GAD1: variants seen among roughly 807,000 people sequenced by gnomAD.
The protein encoded by GAD1 is glutamate decarboxylase 1, also known as 67 kDa glutamic acid decarboxylase.
A neutral mutation model predicts 75.2 loss-of-function variants in GAD1; 35 were observed. The ratio of observed to expected loss-of-function variants is 0.47; its 90% CI spans 0.36 to 0.62. GAD1 has a LOEUF of 0.62. Ranked by LOEUF, GAD1 falls within the 20% of genes least tolerant of loss-of-function variation. The pLI is 0.00. For missense variants in GAD1, 490 were observed against 758.5 expected, an observed-to-expected ratio of 0.65 and a Z score of 4.16; for synonymous variants, 257 against 271.9, an observed-to-expected ratio of 0.95 and a Z score of 0.54.
intron 3 of GAD1, among the ~76,000 whole-genome samples, chr2:170,828,276 T>TTCCCTCTGCCATCCTCACCCCCC (rs879567602): frequency 1.2e-5 from 1 of 81,142 alleles, no homozygotes; most frequent in African/African-American, 4.9e-5. Context: ...ACCCCTCCCC[T>TTCCCTCTGCCATCCTCACCCCCC]TCCCTCTGCT....
chr2:170,824,823 A>G (rs1315754887), intron 3 of GAD1, among the ~76,000 whole-genome samples: 19 of 152,052 alleles, frequency 1.2e-4, no homozygotes, highest in Admixed American at 1.2e-3. Context: ...GGGATCCCTA[A>G]GTTCTGGCTC....
At chr2:170,849,102 G>A in intron 11 of GAD1, 184 bp from the exon 12 acceptor site, 1 of 674,096 alleles carries the variant, frequency 1.5e-6, no homozygotes, top group South Asian at 1.6e-5. Flanking sequence ...CTTTGAAAAA[G>A]AAATGACAAG....
chr2:170,821,083 T>C (rs1363391713), intron 2 of GAD1, among the ~76,000 whole-genome samples: 1 of 152,184 alleles, frequency 6.6e-6, no homozygotes, highest in African/African-American at 2.4e-5. Context: ...TGGATGTCAC[T>C]CTCCTTATCG....
chr2:170,831,974 G>T (rs1702244165), intron 5 of GAD1, among the ~76,000 whole-genome samples: 1 of 151,792 alleles, frequency 6.6e-6, no homozygotes, highest in African/African-American at 2.4e-5. Context: ...TCAAAAAAAA[G>T]AATTTTCATT....
chr2:170,847,252 G>T (rs1702652278), intron 10 of GAD1, among the ~76,000 whole-genome samples: 1 of 152,160 alleles, frequency 6.6e-6, no homozygotes, highest in Admixed American at 6.5e-5. Flanking sequence ...GTGATATTCA[G>T]AACTATCTGA....
At chr2:170,850,140 A>C (rs1702718087) in intron 12 of GAD1, among the ~76,000 whole-genome samples, 1 of 152,242 alleles carries the variant, frequency 6.6e-6, no homozygotes, top group African/African-American at 2.4e-5. Context: ...TTTTCTAATA[A>C]AAATGCATAT....
At position 170,840,617 on chromosome 2, in the gene GAD1, GAGGGAGGA is replaced by G. The variant is rs1291998434; in HGVS notation, c.639-3410_639-3403del. ...TCCAGAACTCAGAAAGGAAGGGAGG[GAGGGAGGA>G]AGGGAGGAAGGGAGGAAAGGAGGGA... is the stretch of plus-strand genomic sequence containing the variant. On this transcript the variant is annotated intron_variant, in intron 6 of 16. Coordinates refer to ENST00000358196, the MANE Select transcript of GAD1 (RefSeq NM_000817.3). Among the ~76,000 whole-genome samples, 630 of 137,784 alleles carry G rather than the reference GAGGGAGGA, an allele frequency of 4.6e-3. 3 individuals carry two copies. The highest frequency in any genetic ancestry group is 7.3e-3 in the Non-Finnish European group (455 of 62,600). 90.4% of individuals were successfully genotyped at this position (137,784 alleles called of 152,430 possible). A position where few individuals can be genotyped will look rare whatever the true frequency, so the allele number is the denominator to read the frequency against.
At chr2:170,829,148 G>A (rs1702152157) in intron 3 of GAD1, 1 of 396,326 alleles carries the variant, frequency 2.5e-6, no homozygotes, top group Admixed American at 3.6e-5. Flanking sequence ...CTCCTTTAAA[G>A]CCCTATCCTG....
chr2:170,853,576 C>T lies in GAD1; in HGVS notation c.1264-297C>T, dbSNP rs552976805. ...TCTCTAACCCTGGCCCACTGAATGCCGTAGCACTTCCCAATCTTGAAACAA... is the reference window on the plus strand; with the variant it reads ...TCTCTAACCCTGGCCCACTGAATGCTGTAGCACTTCCCAATCTTGAAACAA... On this transcript the variant is annotated intron_variant, in intron 13 of 16. Coordinates refer to ENST00000358196, the MANE Select transcript of GAD1 (RefSeq NM_000817.3). The surrounding 1 kb of genome is among the most constrained non-coding windows in gnomAD (Gnocchi z 4.1). The T allele has an allele frequency of 1.9e-5, 7 of 377,920 alleles. No individual in the cohort carries two copies. The highest frequency in any genetic ancestry group is 1.2e-4 in the East Asian group (2 of 17,010). The allele number at this position is 377,920 out of a possible 1,614,324, so 23.4% of individuals were successfully genotyped here. A position where few individuals can be genotyped will look rare whatever the true frequency, so the allele number is the denominator to read the frequency against.
intron 3 of GAD1, 58 bp downstream of exon 3, chr2:170,822,207 G>T (rs1701905265): frequency 7.0e-7 from 1 of 1,435,822 alleles, no homozygotes; most frequent in Admixed American, 1.8e-5. Flanking sequence ...GACCTTTGGG[G>T]CTTGGGAGAC....
upstream of GAD1, among the ~76,000 whole-genome samples, chr2:170,815,078 C>G (rs2105742138): frequency 6.6e-6 from 1 of 152,274 alleles, no homozygotes; most frequent in South Asian, 2.1e-4. Flanking sequence ...CACCTGGCTC[C>G]CTGATTGGTG....
intron 15 of GAD1, among the ~76,000 whole-genome samples, chr2:170,858,016 C>A (rs1441002981): frequency 6.6e-6 from 1 of 151,222 alleles, no homozygotes; most frequent in Non-Finnish European, 1.5e-5. Flanking sequence ...GCAACCTAAA[C>A]TACTAGGAAC....
upstream of GAD1, among the ~76,000 whole-genome samples, chr2:170,813,913 G>GC (rs888479883): frequency 2.0e-5 from 3 of 151,998 alleles, no homozygotes; most frequent in African/African-American, 7.3e-5. Context: ...GTCGCATATC[G>GC]CCCCCTCCTT....
chr2:170,839,483 G>C (rs530796535), intron 6 of GAD1, among the ~76,000 whole-genome samples: 1 of 151,976 alleles, frequency 6.6e-6, no homozygotes, highest in South Asian at 2.1e-4. Context: ...GTGTGGTGGC[G>C]GGTGCCTGTA....
chr2:170,825,021 TTCTGGTTTCTCTTGAAAAAACTTGGGGG>T (rs932080832), intron 3 of GAD1, among the ~76,000 whole-genome samples: 20 of 152,198 alleles, frequency 1.3e-4, no homozygotes, highest in Non-Finnish European at 2.4e-4. Context: ...TGCTCTCTTT[TTCTGGTTTCTCTTGAAAAAACTTGGGGG>T]TGGGCAATGG....
intron 6 of GAD1, among the ~76,000 whole-genome samples, chr2:170,840,207 T>C (rs567771535): frequency 6.6e-6 from 1 of 152,290 alleles, no homozygotes; most frequent in Admixed American, 6.5e-5. Flanking sequence ...CCTAAGTGCC[T>C]AGCGTATACA....
At chr2:170,828,346 C>A (rs1266552011) in intron 3 of GAD1, among the ~76,000 whole-genome samples, 1 of 134,302 alleles carries the variant, frequency 7.4e-6, no homozygotes, top group African/African-American at 2.9e-5. Context: ...ATCTTCCTCC[C>A]TCTGCTGTCC....
At chr2:170,850,673 C>T (rs1363658594) in intron 12 of GAD1, among the ~76,000 whole-genome samples, 3 of 152,180 alleles carry the variant, frequency 2.0e-5, no homozygotes, top group East Asian at 1.9e-4. Flanking sequence ...CCAGTGTCAA[C>T]GTGGGTGAGA....
At chr2:170,821,777 C>T (rs1294606753) in intron 2 of GAD1, 1 of 442,446 alleles carries the variant, frequency 2.3e-6, no homozygotes, top group South Asian at 2.2e-5. Context: ...CAGCCTTCAC[C>T]CAACTCCGAC....
Sources: gnomAD v4.1 joint callset for allele counts (sites outside exome capture counted in the v4.1 genomes callset) on GRCh38, gnomAD v4.1.1 for gene constraint, Gnocchi (gnomAD v3.1) non-coding constraint, MANE v1.5 for transcripts, NCBI Gene and HGNC (gene_info 2026-07-23, HGNC 2026-07-21) for gene names.